PHACTR4: variants seen among roughly 807,000 people sequenced by gnomAD.
PHACTR4 encodes the protein protein phosphatase 1, regulatory subunit 124.
Under a neutral mutation model 72.7 loss-of-function variants are expected in PHACTR4, and 51 were observed. That is an observed-to-expected ratio of 0.70 (90% confidence interval 0.56 to 0.89). PHACTR4 has a LOEUF of 0.89. PHACTR4 is among the 40% of genes least tolerant of loss of function. PHACTR4 has a pLI of 0.00. For missense variants in PHACTR4, 731 were observed against 861.8 expected (o/e 0.85, Z 1.90); for synonymous variants, 255 against 302.5 (o/e 0.84, Z 1.63).
intron 1 of PHACTR4, among the ~76,000 whole-genome samples, chr1:28,388,873 G>T (rs1026821668): frequency 1.3e-5 from 2 of 151,934 alleles, no homozygotes; most frequent in Non-Finnish European, 2.9e-5. Context: ...ACTCAAAATG[G>T]ATTTAAAGAC....
At chr1:28,433,591 G>C (rs1207600550) in intron 2 of PHACTR4, among the ~76,000 whole-genome samples, 1 of 149,852 alleles carries the variant, frequency 6.7e-6, no homozygotes, top group Non-Finnish European at 1.5e-5. Flanking sequence ...CTGTGTAGCT[G>C]GTACTACAGG....
At chr1:28,383,608 G>A (rs1480501769) in intron 1 of PHACTR4, among the ~76,000 whole-genome samples, 1 of 152,130 alleles carries the variant, frequency 6.6e-6, no homozygotes, top group African/African-American at 2.4e-5. Flanking sequence ...GTGTGTGTGT[G>A]TAGCAGTCGT....
intron 1 of PHACTR4, among the ~76,000 whole-genome samples, chr1:28,404,373 C>T (rs1291294966): frequency 6.7e-6 from 1 of 149,262 alleles, no homozygotes; most frequent in Non-Finnish European, 1.5e-5. Context: ...ACCTCCGCCT[C>T]CTGGGTTCAA....
At chr1:28,465,000 G>A (rs1003995270) in intron 4 of PHACTR4, among the ~76,000 whole-genome samples, 2 of 151,944 alleles carry the variant, frequency 1.3e-5, no homozygotes, top group African/African-American at 4.8e-5. Context: ...CACTGCGCCC[G>A]GCTTTTATTT....
chr1:28,417,554 A>G (rs1409608097), intron 2 of PHACTR4, among the ~76,000 whole-genome samples: 2 of 152,146 alleles, frequency 1.3e-5, no homozygotes, highest in African/African-American at 4.8e-5. Flanking sequence ...AAGGTGATGG[A>G]TGATTCACCC....
At chr1:28,402,650 C>T (rs76360241) in intron 1 of PHACTR4, among the ~76,000 whole-genome samples, 87 of 152,200 alleles carry the variant, frequency 5.7e-4, no homozygotes, top group African/African-American at 2.0e-3. Flanking sequence ...CTGTGGCTCA[C>T]CATATAGGTT....
chr1:28,423,487 A>G (rs1024589308), intron 2 of PHACTR4, among the ~76,000 whole-genome samples: 7 of 152,184 alleles, frequency 4.6e-5, no homozygotes, highest in African/African-American at 7.2e-5. Flanking sequence ...ATACTTGTAC[A>G]TTGCTAATAA....
intron 2 of PHACTR4, 46 bp from the exon 3 acceptor site, chr1:28,459,039 G>A (rs1181901393): frequency 6.6e-7 from 1 of 1,526,598 alleles, no homozygotes; most frequent in Non-Finnish European, 8.9e-7. Flanking sequence ...AGATTATGCT[G>A]AAATAATACA....
In PHACTR4 at chr1:28,442,472, GA is replaced by G. The variant is rs555955241; in HGVS notation, c.17-16605del. ...AGTGAGACTCTGTCTCAAAAAAAAA[GA>G]AAAAAAAGTTTTTGTTTGTTTGTTT... On this transcript the variant is annotated intron_variant, in intron 2 of 13. Transcript: ENST00000373839. 8.1e-3 allele frequency among the ~76,000 whole-genome samples: 1,211 copies of G among 148,874 alleles called. 19 individuals carry two copies. The highest frequency in any genetic ancestry group is 0.028 in the African/African-American group (1,105 of 40,066).
chr1:28,382,641 T>C (rs934973141), intron 1 of PHACTR4, among the ~76,000 whole-genome samples: 1 of 151,974 alleles, frequency 6.6e-6, no homozygotes, highest in Non-Finnish European at 1.5e-5. Flanking sequence ...TCCAGAATGG[T>C]ATTGCCTAGC....
intron 12 of PHACTR4, among the ~76,000 whole-genome samples, 196 bp from the exon 13 acceptor site, chr1:28,492,819 C>T (rs1661120095): frequency 6.6e-6 from 1 of 152,076 alleles, no homozygotes; most frequent in Non-Finnish European, 1.5e-5. Flanking sequence ...TCAAGATTTT[C>T]AAGTATTTTG....
intron 1 of PHACTR4, among the ~76,000 whole-genome samples, chr1:28,396,911 T>G (rs1653559276): frequency 6.7e-6 from 1 of 150,298 alleles, no homozygotes; most frequent in Non-Finnish European, 1.5e-5. Flanking sequence ...CAGGCTGGTC[T>G]CAAATTCCTG....
intron 2 of PHACTR4, among the ~76,000 whole-genome samples, chr1:28,444,355 G>A (rs531431688): frequency 2.6e-4 from 38 of 143,678 alleles, no homozygotes; most frequent in Admixed American, 8.6e-4. Flanking sequence ...CCAGCCTCCC[G>A]AGTAGCTGGG....
At position 28,457,432 on chromosome 1, in the gene PHACTR4, C is replaced by G. The variant is rs1183466955; in HGVS notation, c.17-1653C>G. 9.1e-6 allele frequency: 3 copies of G among 329,938 alleles called. No homozygotes were observed. The East Asian group carries it at 2.5e-4, about 27-fold the overall frequency. 20.4% of individuals were successfully genotyped at this position (329,938 alleles called of 1,614,324 possible). A position where few individuals can be genotyped will look rare whatever the true frequency, so the allele number is the denominator to read the frequency against. On this transcript the variant is annotated intron_variant, in intron 2 of 13. Transcript: ENST00000373839. ...GCAATTTGGTGAGACCCTATCTCTA[C>G]AAAACAAAATTGTTTTTGTAATTAG... is the stretch of plus-strand genomic sequence containing the variant.
chr1:28,415,581 T>C (rs1353933174), intron 2 of PHACTR4, among the ~76,000 whole-genome samples: 1 of 152,244 alleles, frequency 6.6e-6, no homozygotes, highest in Non-Finnish European at 1.5e-5. Context: ...ATCTGCATAC[T>C]AATTGCCTTC....
intron 1 of PHACTR4, among the ~76,000 whole-genome samples, chr1:28,380,513 C>A (rs1333028902): frequency 6.6e-6 from 1 of 152,168 alleles, no homozygotes; most frequent in African/African-American, 2.4e-5. Flanking sequence ...CTCCCATCCT[C>A]TACTCTCCAA....
chr1:28,442,487 G>C (rs1169841832), intron 2 of PHACTR4, among the ~76,000 whole-genome samples: 1 of 151,106 alleles, frequency 6.6e-6, no homozygotes, highest in Non-Finnish European at 1.5e-5. Flanking sequence ...AAAAGTTTTT[G>C]TTTGTTTGTT....
chr1:28,419,236 G>A (rs1655339175), intron 2 of PHACTR4, among the ~76,000 whole-genome samples: 2 of 151,254 alleles, frequency 1.3e-5, no homozygotes, highest in South Asian at 4.2e-4. Context: ...CACCCGCCTC[G>A]GCCTCCCAGA....
chr1:28,379,214 C>G (rs1039291105), intron 1 of PHACTR4, among the ~76,000 whole-genome samples: 53 of 152,004 alleles, frequency 3.5e-4, no homozygotes, highest in African/African-American at 1.2e-3. Flanking sequence ...CTGGGCCTCC[C>G]AAAGTGCTTG....
Sources: allele counts gnomAD v4.1 joint callset (sites outside exome capture counted in the v4.1 genomes callset), GRCh38; gene constraint gnomAD v4.1.1; transcripts MANE v1.5; gene names NCBI Gene and HGNC (gene_info 2026-07-23, HGNC 2026-07-21).